The following ERC2 variants were observed in gnomAD, a reference collection of about 807,000 sequenced individuals.
ERC2 encodes ELKS/RAB6-interacting/CAST family member 2.
Under a neutral mutation model 114.8 loss-of-function variants are expected in ERC2, and 42 were observed. The observed-to-expected ratio is 0.37, with a 90% CI of 0.29 to 0.47. The LOEUF is 0.47. ERC2 is among the 20% of genes least tolerant of loss of function. ERC2 has a pLI of 0.99. For synonymous variants in ERC2, 454 were observed against 425.5 expected, an observed-to-expected ratio of 1.07 and a Z score of -0.82; for missense variants, 939 against 1,150.7, an observed-to-expected ratio of 0.82 and a Z score of 2.66.
chr3:55,634,595 A>G (rs1358573234), intron 17 of ERC2, among the ~76,000 whole-genome samples: 1 of 152,240 alleles, frequency 6.6e-6, no homozygotes, highest in African/African-American at 2.4e-5. Flanking sequence ...ACCTGTCAGT[A>G]GAACCTCTAC....
intron 2 of ERC2, among the ~76,000 whole-genome samples, chr3:56,330,771 T>G (rs893819846): frequency 2.6e-5 from 4 of 152,138 alleles, no homozygotes; most frequent in Admixed American, 2.6e-4. Context: ...CTGAAACACT[T>G]CTGGTCCCAG....
rs545863778 is a variant in ERC2, at chr3:55,678,612, G to A, written c.*39+5182C>T. On this transcript the variant is annotated intron_variant, in intron 17 of 17. Transcript: ENST00000288221. ...CCACTCTTGAAGTTAGACTTCAGAC[G>A]TGCTTTAAACTTGTCAGCCTGCACA... 2.2e-3 allele frequency among the ~76,000 whole-genome samples: 331 copies of A among 152,224 alleles called. 1 individual carries two copies. The highest frequency in any genetic ancestry group is 6.8e-3 in the South Asian group (33 of 4,824).
intron 17 of ERC2, among the ~76,000 whole-genome samples, chr3:55,583,555 T>A (rs1223566005): frequency 8.3e-6 from 1 of 120,034 alleles, no homozygotes; most frequent in Non-Finnish European, 1.8e-5. Flanking sequence ...CTTCCTTCCT[T>A]CCTTCCTTCC....
intron 14 of ERC2, among the ~76,000 whole-genome samples, chr3:55,882,889 C>T (rs2149308145): frequency 2.0e-5 from 3 of 152,304 alleles, no homozygotes; most frequent in Middle Eastern, 6.8e-3. Context: ...TTCCATGTCC[C>T]TCCATGCCCC....
intron 17 of ERC2, among the ~76,000 whole-genome samples, chr3:55,632,833 A>G (rs2059810726): frequency 2.6e-5 from 4 of 152,212 alleles, no homozygotes; most frequent in African/African-American, 9.7e-5. Flanking sequence ...TGAAGAGAAG[A>G]AAGAAGAAAG....
chr3:56,187,481 A>T (rs1283400907), intron 3 of ERC2, among the ~76,000 whole-genome samples: 2 of 152,174 alleles, frequency 1.3e-5, no homozygotes, highest in Non-Finnish European at 2.9e-5. Flanking sequence ...TTTAAAACTT[A>T]TTTTAGCAGT....
At chr3:56,287,427 C>T (rs531023432) in intron 3 of ERC2, among the ~76,000 whole-genome samples, 6 of 152,230 alleles carry the variant, frequency 3.9e-5, no homozygotes, top group African/African-American at 7.2e-5. Flanking sequence ...TTATGGAGGG[C>T]CAGGTGCTTT....
intron 16 of ERC2, among the ~76,000 whole-genome samples, chr3:55,691,842 G>A (rs954206980): frequency 3.3e-5 from 5 of 151,744 alleles, no homozygotes; most frequent in African/African-American, 9.7e-5. Context: ...TATATATAAC[G>A]TATATTCAAA....
intron 17 of ERC2, among the ~76,000 whole-genome samples, chr3:55,655,445 G>C (rs2060816432): frequency 6.6e-6 from 1 of 152,192 alleles, no homozygotes; most frequent in Non-Finnish European, 1.5e-5. Flanking sequence ...GGCCTGCAGA[G>C]TGTTTAAAAG....
At chr3:55,588,569 C>T (rs753451673) in intron 17 of ERC2, among the ~76,000 whole-genome samples, 1 of 152,176 alleles carries the variant, frequency 6.6e-6, no homozygotes, top group Non-Finnish European at 1.5e-5. Context: ...ACCTGTGCCC[C>T]ATCCATCAGC....
intron 10 of ERC2, among the ~76,000 whole-genome samples, chr3:56,000,935 T>TA (rs2072001031): frequency 6.6e-6 from 1 of 150,574 alleles, no homozygotes; most frequent in South Asian, 2.1e-4. Context: ...TTACCAACAT[T>TA]AGAGGAATAA....
intron 2 of ERC2, among the ~76,000 whole-genome samples, chr3:56,345,290 T>C (rs1007310538): frequency 1.3e-5 from 2 of 152,156 alleles, no homozygotes; most frequent in East Asian, 3.9e-4. Context: ...TTATTGACCA[T>C]CTACTCTCCG....
chr3:55,788,394 T>C (rs539603042), intron 14 of ERC2, among the ~76,000 whole-genome samples: 12 of 152,286 alleles, frequency 7.9e-5, no homozygotes, highest in African/African-American at 2.9e-4. Flanking sequence ...CTCTCCCCTG[T>C]CTCTCCCCAA....
chr3:56,325,863 C>T (rs1407071889), intron 2 of ERC2, among the ~76,000 whole-genome samples: 1 of 152,202 alleles, frequency 6.6e-6, no homozygotes, highest in Non-Finnish European at 1.5e-5. Flanking sequence ...GCAAAGATTT[C>T]AGTCTGGCTC....
chr3:55,768,137 C>A (rs1215672045), intron 14 of ERC2, among the ~76,000 whole-genome samples: 2 of 152,208 alleles, frequency 1.3e-5, no homozygotes, highest in South Asian at 2.1e-4. Context: ...GTCTCCCCAG[C>A]CATGCTTCTG....
intron 8 of ERC2, among the ~76,000 whole-genome samples, chr3:56,012,875 G>A (rs1239486729): frequency 6.6e-6 from 1 of 152,184 alleles, no homozygotes; most frequent in East Asian, 1.9e-4. Context: ...TTCCAACAAT[G>A]TGTTCTTGTT....
intron 14 of ERC2, among the ~76,000 whole-genome samples, chr3:55,787,898 A>C (rs1439385157): frequency 2.0e-5 from 3 of 152,228 alleles, no homozygotes; most frequent in Non-Finnish European, 4.4e-5. Flanking sequence ...AATAAGAAGA[A>C]ATCCATGTCC....
chr3:55,528,653 T>C (rs2053485163), intron 17 of ERC2, among the ~76,000 whole-genome samples: 1 of 152,234 alleles, frequency 6.6e-6, no homozygotes, highest in Non-Finnish European at 1.5e-5. Flanking sequence ...TGTGTGCAGG[T>C]ATGGTACTGT....
chr3:55,902,557 T>G (rs1261924524), intron 13 of ERC2, among the ~76,000 whole-genome samples: 1 of 152,192 alleles, frequency 6.6e-6, no homozygotes, highest in Non-Finnish European at 1.5e-5. Context: ...CGACAGAACT[T>G]AGCTGCATTT....
Sources: allele counts gnomAD v4.1 joint callset (sites outside exome capture counted in the v4.1 genomes callset), GRCh38; gene constraint gnomAD v4.1.1; transcripts MANE v1.5; gene names NCBI Gene and HGNC (gene_info 2026-07-23, HGNC 2026-07-21).